Variants in ADAMTSL1 observed in about 807,000 individuals in gnomAD.
ADAMTSL1 encodes the protein ADAMTS-like protein 1.
A neutral mutation model predicts 201.8 loss-of-function variants in ADAMTSL1; 126 were observed. The observed-to-expected ratio is 0.62, with a 90% CI of 0.54 to 0.72. ADAMTSL1 has a LOEUF of 0.72. Among genes scored for constraint, ADAMTSL1 ranks in the 30% least tolerant of loss-of-function variants. The pLI is 0.00. For missense variants in ADAMTSL1, 2,679 were observed against 2,277.8 expected (o/e 1.18, Z -3.59); for synonymous variants, 1,121 against 903.4 (o/e 1.24, Z -4.32).
At chr9:18,545,328 A>G (rs1375175274) in intron 3 of ADAMTSL1, among the ~76,000 whole-genome samples, 1 of 152,174 alleles carries the variant, frequency 6.6e-6, no homozygotes, top group Non-Finnish European at 1.5e-5. Context: ...TCAGGTTTGT[A>G]AATGCCGAAG....
chr9:18,771,751 C>CA (rs1188276420), intron 17 of ADAMTSL1, among the ~76,000 whole-genome samples: 7 of 111,334 alleles, frequency 6.3e-5, no homozygotes, highest in Non-Finnish European at 1.2e-4. Context: ...ATACAACTCA[C>CA]AGGAGGGAGC....
chr9:18,533,410 C>T (rs761852869), intron 3 of ADAMTSL1, 118 bp downstream of exon 3: 3 of 739,384 alleles, frequency 4.1e-6, no homozygotes, highest in African/African-American at 1.8e-5. Flanking sequence ...GAGTTTTTAT[C>T]TCATACTGTA....
At chr9:18,130,926 C>G (rs918955180) in intron 1 of ADAMTSL1, among the ~76,000 whole-genome samples, 6 of 152,076 alleles carry the variant, frequency 3.9e-5, no homozygotes, top group Admixed American at 3.9e-4. Context: ...AGTTGCCATT[C>G]CTGACTAGTG....
intron 1 of ADAMTSL1, among the ~76,000 whole-genome samples, chr9:17,972,728 G>A (rs968162628): frequency 2.0e-5 from 3 of 150,158 alleles, no homozygotes; most frequent in Non-Finnish European, 4.4e-5. Context: ...AGATCCCTGA[G>A]GAATTGCCAC....
At chr9:18,332,023 C>G (rs1835049488) in intron 2 of ADAMTSL1, among the ~76,000 whole-genome samples, 1 of 152,144 alleles carries the variant, frequency 6.6e-6, no homozygotes. Context: ...CTTGATCTCT[C>G]AGGGATGTGG....
chr9:18,727,896 G>A (rs548663571), intron 15 of ADAMTSL1, among the ~76,000 whole-genome samples: 40 of 151,986 alleles, frequency 2.6e-4, no homozygotes, highest in Non-Finnish European at 5.0e-4. Flanking sequence ...CCTGGCCAAC[G>A]TGGCAAAAAC....
At chr9:18,452,787 A>G (rs2131677246) in intron 2 of ADAMTSL1, among the ~76,000 whole-genome samples, 1 of 152,346 alleles carries the variant, frequency 6.6e-6, no homozygotes, top group East Asian at 1.9e-4. Context: ...TCCTGGGAAC[A>G]TTAGGGTAGA....
chr9:18,149,139 A>T (rs998490418), intron 1 of ADAMTSL1, among the ~76,000 whole-genome samples: 1 of 152,092 alleles, frequency 6.6e-6, no homozygotes, highest in Non-Finnish European at 1.5e-5. Context: ...ATACTCTGCT[A>T]GGGCTAGAAA....
intron 15 of ADAMTSL1, among the ~76,000 whole-genome samples, chr9:18,733,887 C>G (rs78997886): frequency 6.6e-6 from 1 of 151,584 alleles, no homozygotes; most frequent in Non-Finnish European, 1.5e-5. Flanking sequence ...CTCTTTTTTT[C>G]TCACTCTCCA....
intron 2 of ADAMTSL1, among the ~76,000 whole-genome samples, chr9:18,510,034 T>C (rs1436337094): frequency 6.6e-6 from 1 of 152,204 alleles, no homozygotes; most frequent in Non-Finnish European, 1.5e-5. Context: ...AACTGGAATG[T>C]ATGTAGTAGC....
At chr9:17,989,860 C>G (rs1440024982) in intron 1 of ADAMTSL1, among the ~76,000 whole-genome samples, 1 of 148,794 alleles carries the variant, frequency 6.7e-6, no homozygotes, top group East Asian at 2.0e-4. Flanking sequence ...GAAAGGTCTT[C>G]TAAGTCTTCA....
At chr9:18,216,648 C>CTT (rs5896775) in intron 2 of ADAMTSL1, among the ~76,000 whole-genome samples, 29 of 133,974 alleles carry the variant, frequency 2.2e-4, no homozygotes, top group Admixed American at 6.0e-4. Context: ...TCTTGCTCTC[C>CTT]TTTTTTTTTT....
intron 1 of ADAMTSL1, among the ~76,000 whole-genome samples, chr9:18,112,200 A>G (rs535493631): frequency 6.6e-6 from 1 of 152,252 alleles, no homozygotes; most frequent in Non-Finnish European, 1.5e-5. Flanking sequence ...GGTGGGTAGG[A>G]GAACTGGACA....
At chr9:17,944,122 T>A (rs1045231376) in intron 1 of ADAMTSL1, among the ~76,000 whole-genome samples, 4 of 151,322 alleles carry the variant, frequency 2.6e-5, no homozygotes, top group Non-Finnish European at 4.4e-5. Flanking sequence ...GGAACAAATA[T>A]CCAATTTATA....
intron 2 of ADAMTSL1, among the ~76,000 whole-genome samples, chr9:18,532,933 A>C (rs780516783): frequency 2.0e-5 from 3 of 151,966 alleles, no homozygotes; most frequent in Non-Finnish European, 4.4e-5. Context: ...AGAAGAAAGG[A>C]TTAATTGAAT....
chr9:18,584,940 G>T (rs1182201965), intron 4 of ADAMTSL1, among the ~76,000 whole-genome samples: 1 of 152,122 alleles, frequency 6.6e-6, no homozygotes, highest in East Asian at 1.9e-4. Context: ...CTCAGTCTCA[G>T]GTATTTTGTT....
At chr9:18,162,064 A>G (rs1827413624) in intron 1 of ADAMTSL1, among the ~76,000 whole-genome samples, 1 of 152,062 alleles carries the variant, frequency 6.6e-6, no homozygotes, top group Non-Finnish European at 1.5e-5. Context: ...TGTAGGTCAG[A>G]AGTCTGGCAA....
chr9:18,321,508 T>A (rs1834617294), intron 2 of ADAMTSL1, among the ~76,000 whole-genome samples: 1 of 152,144 alleles, frequency 6.6e-6, no homozygotes, highest in East Asian at 1.9e-4. Context: ...AAATACATAT[T>A]TTTGGCTGGG....
intron 1 of ADAMTSL1, among the ~76,000 whole-genome samples, chr9:17,961,489 G>A (rs373737406): frequency 6.6e-6 from 1 of 152,126 alleles, no homozygotes; most frequent in Admixed American, 6.6e-5. Context: ...GACCTCAGGT[G>A]ATCTGCCTGC....
Sources: gnomAD v4.1 joint callset for allele counts (sites outside exome capture counted in the v4.1 genomes callset) on GRCh38, gnomAD v4.1.1 for gene constraint, MANE v1.5 for transcripts, NCBI Gene and HGNC (gene_info 2026-07-23, HGNC 2026-07-21) for gene names.